Variants in TMEM106B observed in about 807,000 individuals in gnomAD.
TMEM106B encodes the protein transmembrane protein 106B.
In TMEM106B, 15 loss-of-function variants were observed where a neutral mutation model predicts 31.1. The observed-to-expected ratio is 0.48, with a 90% confidence interval of 0.32 to 0.74. The LOEUF (loss-of-function observed/expected upper bound fraction) is 0.74. TMEM106B is among the 30% of genes least tolerant of loss of function. TMEM106B has a pLI of 0.03. For missense variants in TMEM106B, 283 were observed against 327.3 expected, an observed-to-expected ratio of 0.86 and a Z score of 1.04; for synonymous variants, 126 against 112.5, an observed-to-expected ratio of 1.12 and a Z score of -0.76.
At chr7:12,223,722 CTT>C (rs34413750) in intron 3 of TMEM106B, among the ~76,000 whole-genome samples, 34 of 135,580 alleles carry the variant, frequency 2.5e-4, no homozygotes, top group Admixed American at 5.2e-4. Context: ...AATGTGATTC[CTT>C]TTTTTTTTTT....
chr7:12,226,187 T>C (rs1336657692), intron 4 of TMEM106B, among the ~76,000 whole-genome samples: 1 of 152,134 alleles, frequency 6.6e-6, no homozygotes, highest in East Asian at 1.9e-4. Context: ...GTTGTAGATG[T>C]GTGGTATTAT....
intron 5 of TMEM106B, among the ~76,000 whole-genome samples, chr7:12,230,157 CGCGA>C (rs1350494897): frequency 6.6e-6 from 1 of 151,764 alleles, no homozygotes; most frequent in Non-Finnish European, 1.5e-5. Context: ...GGTCGAGGCT[CGCGA>C]GCCGTGATCA....
At chr7:12,215,108 C>A in intron 2 of TMEM106B, 81 bp downstream of exon 2, 2 of 1,225,980 alleles carry the variant, frequency 1.6e-6, no homozygotes, top group Non-Finnish European at 2.3e-6. Context: ...GTCTCAGGAA[C>A]CACCTGTTTT....
At chr7:12,230,471 C>G (rs188232679) in intron 6 of TMEM106B, 33 bp downstream of exon 6, 4 of 1,358,682 alleles carry the variant, frequency 2.9e-6, no homozygotes, top group Non-Finnish European at 4.2e-6. Context: ...TTTTTATTGT[C>G]AAATAATGAA....
chr7:12,216,350 G>A (rs1781686976), intron 2 of TMEM106B, among the ~76,000 whole-genome samples: 1 of 147,738 alleles, frequency 6.8e-6, no homozygotes, highest in Admixed American at 6.8e-5. Flanking sequence ...TTGAGCAACT[G>A]AAAGAATGTA....
rs1414128832 is a variant in TMEM106B at position 12,236,515 on chromosome 7, ATG to A, written c.*4544_*4545del. 1 of 151,950 alleles carries A rather than the reference ATG, an allele frequency of 6.6e-6. No homozygotes were observed. The highest frequency in any genetic ancestry group is 1.5e-5 in the Non-Finnish European group (1 of 67,874). 9.4% of individuals were successfully genotyped at this position (151,950 alleles called of 1,614,324 possible). ...TCTGTTTTTAATTACATTAATTGAA[ATG>A]TGTTTTAAGAGATACAATTTCAGCA... On this transcript the variant is annotated 3_prime_UTR_variant, in exon 8 of 8. Coordinates refer to ENST00000396668, the MANE Select transcript of TMEM106B (RefSeq NM_001134232.2).
intron 3 of TMEM106B, among the ~76,000 whole-genome samples, chr7:12,219,302 C>G (rs1781744102): frequency 6.6e-6 from 1 of 152,078 alleles, no homozygotes; most frequent in Non-Finnish European, 1.5e-5. Context: ...ACATGGAGGC[C>G]ATATTTTCAA....
At chr7:12,218,278 A>G (rs1477990758) in intron 2 of TMEM106B, among the ~76,000 whole-genome samples, 180 bp from the exon 3 acceptor site, 5 of 151,714 alleles carry the variant, frequency 3.3e-5, no homozygotes, top group African/African-American at 1.2e-4. Flanking sequence ...TTACGTGTGA[A>G]AAAACACGCT....
At chr7:12,231,292 A>G (rs1246434694) in intron 7 of TMEM106B, 177 bp downstream of exon 7, 8 of 518,326 alleles carry the variant, frequency 1.5e-5, no homozygotes, top group South Asian at 1.1e-4. Flanking sequence ...TTGTTCAGAG[A>G]AGTAGTGAAA....
At chr7:12,220,610 G>A (rs1781768680) in intron 3 of TMEM106B, among the ~76,000 whole-genome samples, 1 of 152,150 alleles carries the variant, frequency 6.6e-6, no homozygotes, top group African/African-American at 2.4e-5. Flanking sequence ...AATCCAAAAT[G>A]TTGACAACAT....
Position 12,237,816 on chromosome 7 carries a change from TACACACACACACACACAC to T in TMEM106B, c.*5864_*5881del, listed in dbSNP as rs71027485. 1.6e-5 allele frequency: 2 copies of T among 124,750 alleles called. No homozygotes were observed. Among genetic ancestry groups the T allele is most frequent in the African/African-American group, 3.0e-5 (1 of 33,060 alleles). 7.7% of individuals were successfully genotyped at this position (124,750 alleles called of 1,614,324 possible). On this transcript the variant is annotated 3_prime_UTR_variant, in exon 8 of 8. Transcript: ENST00000396668. ...CGAGACCCCATATAAAATATATACA[TACACACACACACACACAC>T]ACACACACACACACACACACACTAT... is the stretch of plus-strand genomic sequence containing the variant.
Position 12,214,838 on chromosome 7 carries a change from T to C in TMEM106B, c.28T>C (p.Leu10=). The change falls in exon 2 of 8, where the codon TTG becomes CTG. Residue 10 remains leucine (L), a synonymous_variant. Transcript: ENST00000396668. MGKSLSHLP[L]HSSKEDAYDG... ...GGGAAAGTCTCTTTCTCATTTGCCTTTGCATTCAAGCAAAGAAGATGCTTA... is the reference window on the plus strand; with the variant it reads ...GGGAAAGTCTCTTTCTCATTTGCCTCTGCATTCAAGCAAAGAAGATGCTTA... 1 of 1,613,468 alleles carries C rather than the reference T, an allele frequency of 6.2e-7. No individual in the cohort carries two copies. The highest frequency in any genetic ancestry group is 8.5e-7 in the Non-Finnish European group (1 of 1,179,760).
chr7:12,219,754 T>C (rs1781751920), intron 3 of TMEM106B, among the ~76,000 whole-genome samples: 1 of 151,840 alleles, frequency 6.6e-6, no homozygotes, highest in South Asian at 2.1e-4. Context: ...GTCAGGGAAA[T>C]AGAACATAAA....
chr7:12,234,409 G>T lies in TMEM106B; in HGVS notation c.*2434G>T, dbSNP rs1407174364. The T allele has an allele frequency of 6.6e-6, 1 of 151,760 alleles. No homozygotes were observed. Among genetic ancestry groups the T allele is most frequent in the Non-Finnish European group, 1.5e-5 (1 of 67,760 alleles). 9.4% of individuals were successfully genotyped at this position (151,760 alleles called of 1,614,324 possible). ...AAAAAGATAGAAGAGAAATAAAGAT[G>T]GTATGTGACTACTTTCAGAGAGAGT... On this transcript the variant is annotated 3_prime_UTR_variant, in exon 8 of 8. Transcript: ENST00000396668.
At chr7:12,218,380 C>A in intron 2 of TMEM106B, 78 bp from the exon 3 acceptor site, 1 of 1,265,628 alleles carries the variant, frequency 7.9e-7, no homozygotes, top group Non-Finnish European at 1.1e-6. Flanking sequence ...CTGGTCTTTC[C>A]AAACCAGATT....
At chr7:12,220,963 A>C (rs1178627188) in intron 3 of TMEM106B, among the ~76,000 whole-genome samples, 1 of 152,162 alleles carries the variant, frequency 6.6e-6, no homozygotes, top group African/African-American at 2.4e-5. Flanking sequence ...AAAACACCAC[A>C]CACTCAAACC....
intron 3 of TMEM106B, among the ~76,000 whole-genome samples, chr7:12,222,590 T>G (rs972340266): frequency 6.6e-6 from 1 of 152,226 alleles, no homozygotes; most frequent in African/African-American, 2.4e-5. Flanking sequence ...TAAACACTTC[T>G]TATGCCTTTT....
intron 5 of TMEM106B, among the ~76,000 whole-genome samples, chr7:12,230,136 G>T (rs12699332): frequency 0.5 from 76,355 of 151,488 alleles, 20,368 homozygotes; most frequent in African/African-American, 0.66. Flanking sequence ...GAGGATCACT[G>T]GAGCCCAGTA....
At position 12,234,774 on chromosome 7, in the gene TMEM106B, T is replaced by C. The variant is rs1782096467; in HGVS notation, c.*2799T>C. 1 of 121,452 alleles carries C rather than the reference T, an allele frequency of 8.2e-6. No homozygotes were observed. The highest frequency in any genetic ancestry group is 8.6e-5 in the Admixed American group (1 of 11,650). 7.5% of individuals were successfully genotyped at this position (121,452 alleles called of 1,614,324 possible). A position where few individuals can be genotyped will look rare whatever the true frequency, so the allele number is the denominator to read the frequency against. ...ACTATAACAAACCTCTGTATGTTGATAGCACATTGGCCCTTTTTAGAGTTC... is the reference window on the plus strand; with the variant it reads ...ACTATAACAAACCTCTGTATGTTGACAGCACATTGGCCCTTTTTAGAGTTC... On this transcript the variant is annotated 3_prime_UTR_variant, in exon 8 of 8. Transcript: ENST00000396668.
Sources: gnomAD v4.1 joint callset for allele counts (sites outside exome capture counted in the v4.1 genomes callset) on GRCh38, gnomAD v4.1.1 for gene constraint, MANE v1.5 for transcripts, NCBI Gene and HGNC (gene_info 2026-07-23, HGNC 2026-07-21) for gene names.